Variants in SAMD13 observed in about 807,000 individuals in gnomAD.
SAMD13 encodes the protein sterile alpha motif domain containing 13.
SAMD13 carries 9 observed loss-of-function variants against 12.4 expected under a neutral mutation model. The observed-to-expected ratio is 0.72, with a 90% CI of 0.44 to 1.26. The LOEUF is 1.26. Ranked by LOEUF, SAMD13 falls within the 50% of genes most tolerant of loss-of-function variation. The pLI, the probability that SAMD13 is intolerant of heterozygous loss-of-function variation, is 0.00. For synonymous variants in SAMD13, 46 were observed against 45.4 expected, an observed-to-expected ratio of 1.01 and a Z score of -0.05; for missense variants, 84 against 119.6, an observed-to-expected ratio of 0.70 and a Z score of 1.39.
intron 3 of SAMD13, among the ~76,000 whole-genome samples, chr1:84,328,051 G>T (rs1250568120): frequency 6.6e-6 from 1 of 152,152 alleles, no homozygotes; most frequent in Non-Finnish European, 1.5e-5. Context: ...TAGCTAAAAG[G>T]TCTCTTGGCC....
intron 2 of SAMD13, among the ~76,000 whole-genome samples, chr1:84,322,490 A>G (rs1332227544): frequency 6.6e-6 from 1 of 152,162 alleles, no homozygotes; most frequent in Non-Finnish European, 1.5e-5. Context: ...TTTAAGTTGT[A>G]AGTGCTCTCT....
At chr1:84,340,280 G>A (rs900697439) in intron 3 of SAMD13, among the ~76,000 whole-genome samples, 3 of 152,144 alleles carry the variant, frequency 2.0e-5, no homozygotes, top group African/African-American at 4.8e-5. Context: ...TATGTGCTAC[G>A]ACATGGATAA....
At chr1:84,305,228 ATGT>A (rs1282991237) in intron 2 of SAMD13, among the ~76,000 whole-genome samples, 1 of 152,064 alleles carries the variant, frequency 6.6e-6, no homozygotes, top group Non-Finnish European at 1.5e-5. Context: ...CAGGTGTTTT[ATGT>A]TTTCAGTTTT....
intron 2 of SAMD13, among the ~76,000 whole-genome samples, chr1:84,311,251 G>T (rs1489216759): frequency 6.7e-6 from 1 of 150,220 alleles, no homozygotes; most frequent in Non-Finnish European, 1.5e-5. Context: ...CAGGAGAATC[G>T]CTTGAACCCA....
chr1:84,339,578 T>G (rs1177128859), intron 3 of SAMD13, among the ~76,000 whole-genome samples: 1 of 152,190 alleles, frequency 6.6e-6, no homozygotes, highest in Non-Finnish European at 1.5e-5. Context: ...GTATTCCCTG[T>G]CTGCTGGCCA....
chr1:84,310,943 C>G (rs1484893749), intron 2 of SAMD13, among the ~76,000 whole-genome samples: 2 of 152,096 alleles, frequency 1.3e-5, no homozygotes, highest in Non-Finnish European at 2.9e-5. Flanking sequence ...TCCTCTTTAG[C>G]TAGGTCACAA....
intron 3 of SAMD13, among the ~76,000 whole-genome samples, chr1:84,348,710 A>G (rs973948583): frequency 1.3e-5 from 2 of 152,078 alleles, no homozygotes; most frequent in African/African-American, 4.8e-5. Flanking sequence ...ATTTCACCCC[A>G]AAGCTTTGTA....
chr1:84,336,184 G>A (rs1443348937), intron 3 of SAMD13, among the ~76,000 whole-genome samples: 7 of 152,172 alleles, frequency 4.6e-5, no homozygotes, highest in Non-Finnish European at 1.0e-4. Flanking sequence ...AGGGACACCA[G>A]TGAGTTGTAG....
rs1231189179 is a variant in SAMD13, at chr1:84,303,268, G to T, written c.34G>T (p.Gly12Cys). 4.3e-6 allele frequency: 7 copies of T among 1,612,730 alleles called. No homozygotes were observed. The stretch of plus-strand genomic sequence containing the variant: ...TGTTGACATGGAAAACAAGGAAAAT[G>T]GCTCTGTCGGTGTAAAAAAGTAAGT... ...LSVDMENKEN[G>C]SVGVKNSMEN... Residue 12 changes from glycine (G) to cysteine (C), a missense_variant, in exon 2 of 4, where the codon GGC (glycine) becomes TGC (cysteine). By Grantham distance (159) the Gly-to-Cys change is radical. Transcript: ENST00000394834.
upstream of SAMD13, chr1:84,298,691 C>A: frequency 1.1e-6 from 1 of 941,312 alleles, no homozygotes; most frequent in Non-Finnish European, 1.4e-6. Flanking sequence ...CACATCTTGG[C>A]CGTGTGTCCG....
rs553875081 is a variant in SAMD13, at chr1:84,322,404, T to C, written c.54-3233T>C. ...TTTCTTAACCTTTCTGAGCCTTCGTTTCCCAAAAGCAGGTTACAGTAGCCA... is the reference window on the plus strand; with the variant it reads ...TTTCTTAACCTTTCTGAGCCTTCGTCTCCCAAAAGCAGGTTACAGTAGCCA... On this transcript the variant is annotated intron_variant, in intron 2 of 3. Coordinates refer to ENST00000394834, the MANE Select transcript of SAMD13 (RefSeq NM_001134663.2). 5.9e-5 allele frequency among the ~76,000 whole-genome samples: 9 copies of C among 152,316 alleles called. No individual in the cohort carries two copies. The East Asian group carries it at 1.7e-3, about 29-fold the overall frequency.
At chr1:84,303,123 AT>A (rs1391058666) in intron 1 of SAMD13, 79 bp from the exon 2 acceptor site, 38 of 1,073,376 alleles carry the variant, frequency 3.5e-5, no homozygotes, top group Non-Finnish European at 4.8e-5. Flanking sequence ...AAAAGGGACC[AT>A]TATGTTTCCG....
chr1:84,326,643 A>G (rs1679066746), intron 3 of SAMD13, among the ~76,000 whole-genome samples: 1 of 152,154 alleles, frequency 6.6e-6, no homozygotes, highest in Non-Finnish European at 1.5e-5. Context: ...TTCTCTACCA[A>G]CGAAGGCTGC....
chr1:84,306,893 G>A (rs1378179184), intron 2 of SAMD13, among the ~76,000 whole-genome samples: 1 of 151,252 alleles, frequency 6.6e-6, no homozygotes, highest in Non-Finnish European at 1.5e-5. Context: ...AGTGAAAACA[G>A]GCATCTTTTT....
At chr1:84,343,351 T>C (rs763019864) in intron 3 of SAMD13, among the ~76,000 whole-genome samples, 30 of 152,362 alleles carry the variant, frequency 2.0e-4, no homozygotes, top group Middle Eastern at 6.8e-3. Flanking sequence ...GTCCCATTAC[T>C]GGGTATATAC....
At chr1:84,342,088 G>C (rs1358551059) in intron 3 of SAMD13, among the ~76,000 whole-genome samples, 2 of 152,134 alleles carry the variant, frequency 1.3e-5, no homozygotes, top group African/African-American at 2.4e-5. Flanking sequence ...AGAAGACTGT[G>C]CAGGTAGTTT....
chr1:84,301,839 A>G, intron 1 of SAMD13, 38 bp downstream of exon 1: 1 of 816,652 alleles, frequency 1.2e-6, no homozygotes, highest in Non-Finnish European at 1.5e-6. Context: ...AAAAGAAAAT[A>G]ATAGTAATAA....
intron 3 of SAMD13, among the ~76,000 whole-genome samples, chr1:84,331,353 A>T (rs1679179207): frequency 1.9e-5 from 2 of 104,224 alleles, no homozygotes; most frequent in African/African-American, 8.0e-5. Flanking sequence ...AAAAAAAAAA[A>T]AAAAATTATG....
At chr1:84,322,358 T>C (rs1226955559) in intron 2 of SAMD13, among the ~76,000 whole-genome samples, 1 of 152,222 alleles carries the variant, frequency 6.6e-6, no homozygotes, top group East Asian at 1.9e-4. Context: ...TAGCTTTATC[T>C]ACCATGCTAT....
Sources: gnomAD v4.1 joint callset for allele counts (sites outside exome capture counted in the v4.1 genomes callset) on GRCh38, gnomAD v4.1.1 for gene constraint, MANE v1.5 for transcripts, NCBI Gene and HGNC (gene_info 2026-07-23, HGNC 2026-07-21) for gene names.